The following MIA2 variants were observed in gnomAD, a reference collection of about 807,000 sequenced individuals.
MIA2 encodes the protein melanoma inhibitory activity protein 2.
Under a neutral mutation model 167.8 loss-of-function variants are expected in MIA2, and 127 were observed. That is an observed-to-expected ratio of 0.76 (90% CI 0.66 to 0.88). The LOEUF is 0.88. MIA2 is among the 40% of genes least tolerant of loss of function. The pLI is 0.00. For missense variants in MIA2, 1,690 were observed against 1,624.7 expected (o/e 1.04, Z -0.69); for synonymous variants, 552 against 541.9 (o/e 1.02, Z -0.26).
Position 39,315,717 on chromosome 14 carries a change from G to T in MIA2, c.3215G>T (p.Trp1072Leu), listed in dbSNP as rs1350336711. ...ISHEKKAHDNWLAARNAERNL... is the reference protein window; with the variant it reads ...ISHEKKAHDNLLAARNAERNL... ...CATGAGAAAAAAGCACATGATAATT[G>T]GGTAAGTTTAAAATTTCCTTAAGTC... is the stretch of plus-strand genomic sequence containing the variant. The change falls in exon 21 of 29, where the codon TGG becomes TTG. Residue 1072 changes from tryptophan (W) to leucine (L), a missense_variant and splice_region_variant. Transcript: ENST00000640607. The T allele has an allele frequency of 1.3e-6, 2 of 1,546,584 alleles. No individual in the cohort carries two copies. The highest frequency in any genetic ancestry group is 1.2e-5 in the South Asian group (1 of 84,360).
intron 13 of MIA2, among the ~76,000 whole-genome samples, chr14:39,297,666 CGTGTGTGTGTGTGT>C (rs71435638): frequency 1.4e-5 from 2 of 140,074 alleles, no homozygotes; most frequent in Admixed American, 7.1e-5. Context: ...TAGGGTTTTG[CGTGTGTGTGTGTGT>C]GTGTGTGTGT....
At chr14:39,341,573 G>GT (rs1278615382) in intron 25 of MIA2, among the ~76,000 whole-genome samples, 12 of 152,144 alleles carry the variant, frequency 7.9e-5, no homozygotes, top group Non-Finnish European at 1.5e-4. Context: ...TGGGTGGAGG[G>GT]TAAGTGGAGG....
intron 23 of MIA2, among the ~76,000 whole-genome samples, chr14:39,380,873 T>TA (rs2075144312): frequency 1.3e-5 from 2 of 152,102 alleles, no homozygotes; most frequent in Admixed American, 1.3e-4. Flanking sequence ...AAGAGAAAGA[T>TA]ATCATGGGCC....
intron 23 of MIA2, 117 bp from the exon 24 acceptor site, chr14:39,320,811 G>T (rs2066281244): frequency 3.7e-6 from 4 of 1,088,438 alleles, no homozygotes; most frequent in Middle Eastern, 3.0e-4. Context: ...TCAGGACATA[G>T]ATTAAACTTA....
At chr14:39,320,788 T>C (rs2066277381) in intron 23 of MIA2, 140 bp from the exon 24 acceptor site, 7 of 838,640 alleles carry the variant, frequency 8.3e-6, no homozygotes, top group Admixed American at 8.2e-5. Context: ...ATTAGCAAAA[T>C]CAAAGGATAC....
In MIA2 at chr14:39,350,207, G is replaced by C. The variant is rs756001054; in HGVS notation, c.4182G>C (p.Leu1394Phe). The change falls in exon 29 of 29, where the codon TTG becomes TTC. Residue 1394 changes from leucine (L) to phenylalanine (F), a missense_variant. By Grantham distance (22) the Leu-to-Phe change is conservative. Coordinates refer to ENST00000640607, the MANE Select transcript of MIA2 (RefSeq NM_001329214.4). ...SEGRSEFPSG[L>F]IPPSNEPATE... ...GTAGAAGTGAGTTCCCCTCAGGTTT[G>C]ATTCCACCTTCAAATGAGCCTGCTA... 6.6e-7 allele frequency: 1 copy of C among 1,515,658 alleles called. No homozygotes were observed. Among genetic ancestry groups the C allele is most frequent in the Non-Finnish European group, 8.9e-7 (1 of 1,125,726 alleles). The allele number at this position is 1,515,658 out of a possible 1,614,324, so 93.9% of individuals were successfully genotyped here.
In MIA2 at chr14:39,345,901, T is replaced by G. The variant is rs745991131; in HGVS notation, c.3656-3T>G. On this transcript the variant is annotated splice_region_variant and splice_polypyrimidine_tract_variant and intron_variant, in intron 25 of 28. Coordinates refer to ENST00000640607, the MANE Select transcript of MIA2 (RefSeq NM_001329214.4). ...GAAGACATTTTAAAAACTTATTTTC[T>G]AGGACAATCATATCCTGATTCAGCC... is the stretch of plus-strand genomic sequence containing the variant. 6.9e-6 allele frequency: 11 copies of G among 1,601,772 alleles called. No individual in the cohort carries two copies. The highest frequency in any genetic ancestry group is 2.6e-6 in the Non-Finnish European group (3 of 1,176,410).
At chr14:39,380,573 G>A (rs1408860965) in intron 23 of MIA2, among the ~76,000 whole-genome samples, 1 of 151,374 alleles carries the variant, frequency 6.6e-6, no homozygotes, top group Non-Finnish European at 1.5e-5. Context: ...TGCCTCTGTA[G>A]TCCCAGCTAC....
chr14:39,371,292 GC>G (rs1358881253), intron 23 of MIA2, among the ~76,000 whole-genome samples: 5 of 152,098 alleles, frequency 3.3e-5, no homozygotes, highest in African/African-American at 1.2e-4. Flanking sequence ...CAGAATTGGG[GC>G]CAGAATTTGG....
At chr14:39,360,911 T>C (rs1386122791) in intron 23 of MIA2, among the ~76,000 whole-genome samples, 1 of 152,238 alleles carries the variant, frequency 6.6e-6, no homozygotes, top group East Asian at 1.9e-4. Flanking sequence ...TTGAGAGTGT[T>C]CTTTCCTCCA....
At chr14:39,291,257 TAGG>T (rs558900790) in intron 10 of MIA2, 161 bp downstream of exon 10, 2 of 535,092 alleles carry the variant, frequency 3.7e-6, no homozygotes, top group Non-Finnish European at 6.1e-6. Context: ...AATGGGACAA[TAGG>T]AGGTAGCATA....
At chr14:39,295,877 A>G (rs1305150029) in intron 13 of MIA2, among the ~76,000 whole-genome samples, 1 of 152,014 alleles carries the variant, frequency 6.6e-6, no homozygotes, top group Admixed American at 6.6e-5. Flanking sequence ...GTTATTACAT[A>G]TTCTGTCTTA....
intron 2 of MIA2, among the ~76,000 whole-genome samples, chr14:39,239,352 C>A (rs556781407): frequency 7.9e-5 from 12 of 151,622 alleles, no homozygotes; most frequent in African/African-American, 2.9e-4. Context: ...TCGAGACTAG[C>A]CTGGGCAGCA....
At chr14:39,260,519 C>G (rs1457394849) in intron 6 of MIA2, among the ~76,000 whole-genome samples, 2 of 152,198 alleles carry the variant, frequency 1.3e-5, no homozygotes, top group Admixed American at 1.3e-4. Context: ...TGAAAAGTGT[C>G]TGTTCATATC....
rs772267235 is a variant in MIA2 at position 39,279,430 on chromosome 14, ATTGAC to A, written c.2042-11_2042-7del. 2.6e-5 allele frequency: 42 copies of A among 1,603,606 alleles called. 1 individual carries two copies. The Middle Eastern group carries it at 1.4e-3, about 52-fold the overall frequency. On this transcript the variant is annotated splice_polypyrimidine_tract_variant and intron_variant, in intron 8 of 28. Coordinates refer to ENST00000640607, the MANE Select transcript of MIA2 (RefSeq NM_001329214.4). ...CTTATAATAATTTACTCATGGTAAT[ATTGAC>A]TTGACTTTTTTAGGACGAGAGAAAA...
At chr14:39,278,191 T>C (rs2058446532) in intron 7 of MIA2, among the ~76,000 whole-genome samples, 3 of 152,096 alleles carry the variant, frequency 2.0e-5, no homozygotes, top group Admixed American at 2.0e-4. Flanking sequence ...TCAGAACTCC[T>C]GGCCTCAAGT....
chr14:39,274,654 G>A (rs2057676989), intron 6 of MIA2, among the ~76,000 whole-genome samples: 1 of 150,850 alleles, frequency 6.6e-6, no homozygotes, highest in Admixed American at 6.6e-5. Context: ...TCAAACTCCT[G>A]ACCTCAAGTG....
chr14:39,369,297 C>G (rs1356133631), intron 23 of MIA2, among the ~76,000 whole-genome samples: 1 of 152,152 alleles, frequency 6.6e-6, no homozygotes. Flanking sequence ...CTTGCTTGTT[C>G]CAGTTTAATT....
At chr14:39,351,418 C>G (rs778186159), downstream of MIA2, 3 of 151,090 alleles carry the variant, frequency 2.0e-5, no homozygotes, top group Non-Finnish European at 4.4e-5. Context: ...AAAAGAAATA[C>G]TTGAACTGAA....
Sources: gnomAD v4.1 joint callset for allele counts (sites outside exome capture counted in the v4.1 genomes callset) on GRCh38, gnomAD v4.1.1 for gene constraint, MANE v1.5 for transcripts, NCBI Gene and HGNC (gene_info 2026-07-23, HGNC 2026-07-21) for gene names.